The following SLC51B variants were observed in gnomAD, a reference collection of about 807,000 sequenced individuals.
The protein encoded by SLC51B is SLC51 subunit beta, also known as organic solute transporter subunit beta.
SLC51B carries 6 observed loss-of-function variants against 8.0 expected under a neutral mutation model. The observed-to-expected ratio is 0.75, with a 90% CI of 0.41 to 1.48. SLC51B has a LOEUF of 1.48. Ranked by LOEUF, SLC51B falls within the 40% of genes most tolerant of loss-of-function variation. The pLI is 0.01. For synonymous variants in SLC51B, 61 were observed against 54.8 expected (o/e 1.11, Z -0.50); for missense variants, 150 against 149.7 (o/e 1.00, Z -0.01).
Position 65,053,310 on chromosome 15 carries a change from A to G in SLC51B, c.*146A>G. On this transcript the variant is annotated 3_prime_UTR_variant, in exon 4 of 4. Coordinates refer to ENST00000334287, the MANE Select transcript of SLC51B (RefSeq NM_178859.4). ...TCTTTTTTTTTTTCTTAGCAGATAC[A>G]ATGAATGAACTGCAAGCAAACTAAA... is the stretch of plus-strand genomic sequence containing the variant. 1 of 1,427,160 alleles carries G rather than the reference A, an allele frequency of 7.0e-7. No individual in the cohort carries two copies. Among genetic ancestry groups the G allele is most frequent in the Admixed American group, 3.0e-5 (1 of 33,822 alleles). 88.4% of individuals were successfully genotyped at this position (1,427,160 alleles called of 1,614,324 possible).
At chr15:65,049,387 G>C (rs981571988) in intron 1 of SLC51B, 1 of 151,130 alleles carries the variant, frequency 6.6e-6, no homozygotes, top group South Asian at 2.1e-4. Flanking sequence ...TGCCCTCTCA[G>C]CATCAGGAGC....
At chr15:65,050,221 CAG>C (rs753569012) in intron 2 of SLC51B, 120 bp downstream of exon 2, 1 of 774,384 alleles carries the variant, frequency 1.3e-6, no homozygotes, top group Non-Finnish European at 2.1e-6. Flanking sequence ...TCCTCCAAGA[CAG>C]GGAATCAGTC....
intron 3 of SLC51B, among the ~76,000 whole-genome samples, chr15:65,052,399 CTTTTT>C (rs34021026): frequency 1.0e-4 from 8 of 76,354 alleles, no homozygotes; most frequent in African/African-American, 2.5e-4. Flanking sequence ...GCATCCTTGG[CTTTTT>C]TTTTTTTTTT....
At chr15:65,047,126 G>A (rs919751473) in intron 1 of SLC51B, among the ~76,000 whole-genome samples, 2 of 151,836 alleles carry the variant, frequency 1.3e-5, no homozygotes, top group African/African-American at 2.4e-5. Flanking sequence ...GGAGGCTGAG[G>A]TAGGCGGATC....
In SLC51B at chr15:65,045,503, G is replaced by A. The variant is rs1566949286; in HGVS notation, c.-188G>A. On this transcript the variant is annotated 5_prime_UTR_variant, in exon 1 of 4. Coordinates refer to ENST00000334287, the MANE Select transcript of SLC51B (RefSeq NM_178859.4). ...AAAGACTATCCTGTTCTCCCATAAA[G>A]AGGAGGAAAAGGAAGATACAGAAAT... 6.6e-6 allele frequency: 1 copy of A among 152,266 alleles called. No individual in the cohort carries two copies. Among genetic ancestry groups the A allele is most frequent in the Non-Finnish European group, 1.5e-5 (1 of 68,068 alleles). 9.4% of individuals were successfully genotyped at this position (152,266 alleles called of 1,614,324 possible).
intron 1 of SLC51B, among the ~76,000 whole-genome samples, chr15:65,047,589 C>A (rs149224881): frequency 3.2e-4 from 48 of 152,218 alleles, no homozygotes; most frequent in African/African-American, 1.2e-3. Context: ...GGCACAGGGG[C>A]CTGTGGCTGA....
chr15:65,053,164 G>A lies in SLC51B; in HGVS notation c.387G>A (p.Ter129=). Residue 129 remains the stop codon, a stop_retained_variant, in exon 4 of 4, where the codon TAG becomes TAA. Coordinates refer to ENST00000334287, the MANE Select transcript of SLC51B (RefSeq NM_178859.4). ...FLPDVPETES[*] is the part of the protein sequence containing the mutation. Reference sequence around the variant, plus strand: ...CGGATGTACCAGAAACTGAGAGCTAGTGAGGGTTCAGAGAAGCCCCATCCT... The same window carrying A: ...CGGATGTACCAGAAACTGAGAGCTAATGAGGGTTCAGAGAAGCCCCATCCT... 1 of 1,613,782 alleles carries A rather than the reference G, an allele frequency of 6.2e-7. No homozygotes were observed. The highest frequency in any genetic ancestry group is 2.2e-5 in the East Asian group (1 of 44,884).
In SLC51B at chr15:65,053,044, A is replaced by AG. The variant is rs768918597; in HGVS notation, c.267_268insG (p.Asn90GlufsTer20). On this transcript the variant is annotated frameshift_variant, in exon 4 of 4. Coordinates refer to ENST00000334287, the MANE Select transcript of SLC51B (RefSeq NM_178859.4). LOFTEE classifies it low-confidence loss of function (END_TRUNC). ...ATGAGGCCAAGGATCACAACAGCCT[A>AG]AACAACCTAAGAGAAACTTTGCTCT... 6.8e-6 allele frequency: 11 copies of AG among 1,614,110 alleles called. No homozygotes were observed. The highest frequency in any genetic ancestry group is 9.3e-6 in the Non-Finnish European group (11 of 1,180,014).
intron 1 of SLC51B, among the ~76,000 whole-genome samples, chr15:65,045,972 C>A (rs192224377): frequency 3.3e-5 from 5 of 152,158 alleles, no homozygotes; most frequent in African/African-American, 1.2e-4. Flanking sequence ...TCGAGACCAC[C>A]CCGGCTAACG....
chr15:65,049,704 C>G (rs1450830718), intron 1 of SLC51B, 193 bp from the exon 2 acceptor site: 1 of 238,038 alleles, frequency 4.2e-6, no homozygotes, highest in Admixed American at 5.6e-5. Context: ...CTCCTCCACA[C>G]ATGCGATGGC....
chr15:65,051,966 C>T (rs1361668482), intron 3 of SLC51B, among the ~76,000 whole-genome samples: 2 of 152,116 alleles, frequency 1.3e-5, no homozygotes, highest in Non-Finnish European at 2.9e-5. Flanking sequence ...CAGACCTGTT[C>T]CCCCTACGAC....
intron 3 of SLC51B, among the ~76,000 whole-genome samples, chr15:65,052,587 G>A (rs1031488157): frequency 6.6e-6 from 1 of 151,902 alleles, no homozygotes; most frequent in Non-Finnish European, 1.5e-5. Context: ...AGTAGAGATG[G>A]GGTTTTGCCA....
At chr15:65,045,858 A>G (rs527896983) in intron 1 of SLC51B, among the ~76,000 whole-genome samples, 1 of 152,366 alleles carries the variant, frequency 6.6e-6, no homozygotes, top group Non-Finnish European at 1.5e-5. Flanking sequence ...CAAACTGGAT[A>G]CGTGCTTTGA....
Position 65,053,083 on chromosome 15 carries a change from C to T in SLC51B, c.306C>T (p.Asn102=). ...AAACTTTGCTCTCAGAAAAGCCAAA[C>T]TTGGCCCAGGTGGAACTTGAGTTAA... is the stretch of plus-strand genomic sequence containing the variant. ...LRETLLSEKP[N]LAQVELELKE... is the part of the protein sequence containing the mutation. Residue 102 remains asparagine, a synonymous_variant, in exon 4 of 4, where the codon AAC becomes AAT. Transcript: ENST00000334287. 1 of 1,614,168 alleles carries T rather than the reference C, an allele frequency of 6.2e-7. No individual in the cohort carries two copies. Among genetic ancestry groups the T allele is most frequent in the East Asian group, 2.2e-5 (1 of 44,868 alleles).
At chr15:65,047,451 C>T (rs1229329515) in intron 1 of SLC51B, among the ~76,000 whole-genome samples, 3 of 152,012 alleles carry the variant, frequency 2.0e-5, no homozygotes, top group Non-Finnish European at 4.4e-5. Flanking sequence ...GCATAAGAAA[C>T]CACACAATAC....
In SLC51B at chr15:65,051,509, C is replaced by A; in HGVS notation, c.98-6C>A. The A allele has an allele frequency of 3.1e-6, 5 of 1,613,266 alleles. No individual in the cohort carries two copies. Among genetic ancestry groups the A allele is most frequent in the Non-Finnish European group, 4.2e-6 (5 of 1,179,460 alleles). Reference sequence around the variant, plus strand: ...TCAGGGCTCTGTCCTGTGTGTCCTTCCCCAGCATCTCCCTGGAATCATTCC... The same window carrying A: ...TCAGGGCTCTGTCCTGTGTGTCCTTACCCAGCATCTCCCTGGAATCATTCC... On this transcript the variant is annotated splice_polypyrimidine_tract_variant and splice_region_variant and intron_variant, in intron 2 of 3. Coordinates refer to ENST00000334287, the MANE Select transcript of SLC51B (RefSeq NM_178859.4).
chr15:65,051,517 T>A lies in SLC51B; in HGVS notation c.100T>A (p.Ser34Thr). The A allele has an allele frequency of 6.2e-7, 1 of 1,613,454 alleles. No homozygotes were observed. Among genetic ancestry groups the A allele is most frequent in the Non-Finnish European group, 8.5e-7 (1 of 1,179,612 alleles). Residue 34 changes from serine (S) to threonine (T), a missense_variant and splice_region_variant, in exon 3 of 4, where the codon TCT becomes ACT. Physicochemically the swap from Ser to Thr is moderately conservative, Grantham distance 58. Transcript: ENST00000334287. Reference protein sequence around the residue: ...MLWFFRVEDASPWNHSILALA... With the variant: ...MLWFFRVEDATPWNHSILALA... Reference sequence around the variant, plus strand: ...CTGTCCTGTGTGTCCTTCCCCAGCATCTCCCTGGAATCATTCCATCCTTGC... The same window carrying A: ...CTGTCCTGTGTGTCCTTCCCCAGCAACTCCCTGGAATCATTCCATCCTTGC...
At position 65,049,997 on chromosome 15, in the gene SLC51B, G is replaced by A; in HGVS notation, c.-8G>A. 1.9e-6 allele frequency: 3 copies of A among 1,549,488 alleles called. No homozygotes were observed. The highest frequency in any genetic ancestry group is 2.6e-6 in the Non-Finnish European group (3 of 1,145,650). ...GACCTCGTTGCACACGCTACCAGGA[G>A]CAGGGGCATGGAGCACAGTGAGGGG... On this transcript the variant is annotated 5_prime_UTR_variant, in exon 2 of 4. Coordinates refer to ENST00000334287, the MANE Select transcript of SLC51B (RefSeq NM_178859.4).
At chr15:65,045,844 G>A (rs148399042) in intron 1 of SLC51B, among the ~76,000 whole-genome samples, 301 of 152,354 alleles carry the variant, frequency 2.0e-3, no homozygotes, top group African/African-American at 6.6e-3. Flanking sequence ...GCTCACTTTA[G>A]AAGCAAACTG....
Sources: allele counts gnomAD v4.1 joint callset (sites outside exome capture counted in the v4.1 genomes callset), GRCh38; gene constraint gnomAD v4.1.1; transcripts MANE v1.5; gene names NCBI Gene and HGNC (gene_info 2026-07-23, HGNC 2026-07-21).